Variants in MBTD1 observed in about 807,000 individuals in gnomAD.
MBTD1 encodes MBT domain-containing protein 1.
MBTD1 carries 24 observed loss-of-function variants against 87.8 expected under a neutral mutation model. The ratio of observed to expected loss-of-function variants is 0.27; its 90% CI spans 0.20 to 0.38. MBTD1 has a LOEUF of 0.38. Ranked by LOEUF, MBTD1 falls within the 10% of genes least tolerant of loss-of-function variation. The probability of loss-of-function intolerance (pLI) is 1.00; values close to 1 mark genes in which losing one functional copy is unlikely to be tolerated. For missense variants in MBTD1, 436 were observed against 760.2 expected (o/e 0.57, Z 5.02); for synonymous variants, 237 against 248.6 (o/e 0.95, Z 0.44).
upstream of MBTD1, chr17:51,260,619 A>G (rs1324950275): frequency 6.2e-7 from 1 of 1,612,516 alleles, no homozygotes; most frequent in African/African-American, 1.3e-5. Flanking sequence ...ATGAAACTGG[A>G]CCGGAGAACC....
chr17:51,188,712 G>A (rs570190578), intron 16 of MBTD1, among the ~76,000 whole-genome samples: 20 of 151,370 alleles, frequency 1.3e-4, no homozygotes, highest in Non-Finnish European at 8.8e-5. Context: ...TTCTTAATAC[G>A]GCACTATACT....
chr17:51,183,903 A>G (rs1462477533), intron 16 of MBTD1: 1 of 152,256 alleles, frequency 6.6e-6, no homozygotes, highest in Non-Finnish European at 1.5e-5. Flanking sequence ...TGATGACTGG[A>G]TGGCTAAATG....
At position 51,180,595 on chromosome 17, in the gene MBTD1, T is replaced by C. The variant is rs376662810; in HGVS notation, c.1868A>G (p.Tyr623Cys). ...GCCACCTCATGGCTCTTGTTTGATG[T>C]AGAAGTTGGCAGAGCCATTGCTTTC... is the stretch of plus-strand genomic sequence containing the variant. ...DQESNGSANF[Y>C]IKQEP is the part of the protein sequence containing the mutation. Residue 623 changes from tyrosine to cysteine, a missense_variant, in exon 17 of 17, where the codon TAC becomes TGC. By Grantham distance (194) the Tyr-to-Cys change is radical. Transcript: ENST00000586178. 6.5e-7 allele frequency: 1 copy of C among 1,548,942 alleles called. No individual in the cohort carries two copies.
chr17:51,254,698 A>C (rs1354113260), intron 2 of MBTD1, among the ~76,000 whole-genome samples: 1 of 152,242 alleles, frequency 6.6e-6, no homozygotes, highest in Admixed American at 6.5e-5. Flanking sequence ...TCTAAATAAG[A>C]AAAACATCAC....
intron 3 of MBTD1, among the ~76,000 whole-genome samples, chr17:51,223,832 TCAA>T (rs375325096): frequency 3.3e-5 from 5 of 152,168 alleles, no homozygotes; most frequent in East Asian, 1.9e-4. Context: ...TGAGACTGTC[TCAA>T]CAACAACAAC....
intron 16 of MBTD1, among the ~76,000 whole-genome samples, chr17:51,189,770 G>C (rs2050711096): frequency 6.6e-6 from 1 of 152,218 alleles, no homozygotes; most frequent in Non-Finnish European, 1.5e-5. Flanking sequence ...AGAAAGCTTA[G>C]TGATCATATC....
chr17:51,196,904 A>T (rs572708163), intron 12 of MBTD1, among the ~76,000 whole-genome samples: 227 of 150,880 alleles, frequency 1.5e-3, no homozygotes, highest in East Asian at 6.1e-3. Context: ...GGGAAAAAAA[A>T]TTTTTTTTCC....
intron 16 of MBTD1, chr17:51,191,940 T>C (rs1598292706): frequency 2.5e-6 from 1 of 403,116 alleles, no homozygotes; most frequent in Non-Finnish European, 4.4e-6. Context: ...AGGTTTTACA[T>C]ATTATTTCAA....
At chr17:51,185,999 C>T (rs2050517930) in intron 16 of MBTD1, 1 of 152,628 alleles carries the variant, frequency 6.6e-6, no homozygotes, top group Non-Finnish European at 1.5e-5. Context: ...CTCTGAAGTA[C>T]CTGAGATGCT....
chr17:51,235,281 A>G (rs1357478270), intron 2 of MBTD1, among the ~76,000 whole-genome samples: 4 of 151,994 alleles, frequency 2.6e-5, no homozygotes. Context: ...GATTACAGGC[A>G]TGTGCCATCA....
At chr17:51,250,051 T>C (rs2054685117) in intron 2 of MBTD1, 1 of 151,248 alleles carries the variant, frequency 6.6e-6, no homozygotes, top group African/African-American at 2.4e-5. Flanking sequence ...TGAGCCACCA[T>C]GCCTGGCTAA....
upstream of MBTD1, chr17:51,260,267 C>G: frequency 2.1e-6 from 1 of 471,732 alleles, no homozygotes. Flanking sequence ...TTCAGCCGTC[C>G]CAGTGTATAG....
chr17:51,233,034 G>A (rs931174649), intron 2 of MBTD1, among the ~76,000 whole-genome samples: 1 of 122,288 alleles, frequency 8.2e-6, no homozygotes, highest in Non-Finnish European at 1.6e-5. Flanking sequence ...CTCCAGCCTA[G>A]GTGACAGAGC....
chr17:51,222,899 C>T (rs1356061183), intron 3 of MBTD1, among the ~76,000 whole-genome samples: 1 of 151,742 alleles, frequency 6.6e-6, no homozygotes, highest in Non-Finnish European at 1.5e-5. Context: ...CTCCTGGGTA[C>T]AAGCAATTCT....
At chr17:51,193,675 T>C (rs1384739246) in intron 13 of MBTD1, among the ~76,000 whole-genome samples, 165 bp from the exon 14 acceptor site, 1 of 152,244 alleles carries the variant, frequency 6.6e-6, no homozygotes, top group Non-Finnish European at 1.5e-5. Flanking sequence ...TGGAGTGCAG[T>C]AGTGCCCTCA....
chr17:51,249,748 C>T (rs1005336393), intron 2 of MBTD1: 3 of 152,102 alleles, frequency 2.0e-5, no homozygotes, highest in Non-Finnish European at 4.4e-5. Flanking sequence ...GGAAAGTCTT[C>T]GTCACGCTTA....
At chr17:51,216,519 G>GAT (rs372580460) in intron 6 of MBTD1, among the ~76,000 whole-genome samples, 129 of 151,152 alleles carry the variant, frequency 8.5e-4, no homozygotes, top group African/African-American at 2.7e-3. Flanking sequence ...GGTTTCTCAT[G>GAT]ATATATATAT....
intron 1 of MBTD1, 111 bp from the exon 2 acceptor site, chr17:51,259,317 C>CT: frequency 8.6e-7 from 1 of 1,162,776 alleles, no homozygotes; most frequent in Non-Finnish European, 1.1e-6. Flanking sequence ...CCAAACACCA[C>CT]TCCCACCTCT....
At chr17:51,209,267 T>G (rs138921493) in intron 6 of MBTD1, 1 of 430,922 alleles carries the variant, frequency 2.3e-6, no homozygotes, top group African/African-American at 2.0e-5. Context: ...TGGATTGGCA[T>G]AGCATGAACT....
Sources: gnomAD v4.1 joint callset for allele counts (sites outside exome capture counted in the v4.1 genomes callset) on GRCh38, gnomAD v4.1.1 for gene constraint, MANE v1.5 for transcripts, NCBI Gene and HGNC (gene_info 2026-07-23, HGNC 2026-07-21) for gene names.